DDX4: variants seen among roughly 807,000 people sequenced by gnomAD.
DDX4 encodes the protein DEAD-box helicase 4.
In DDX4, 25 loss-of-function variants were observed where a neutral mutation model predicts 100.0. The observed-to-expected ratio is 0.25, with a 90% CI of 0.18 to 0.35. The LOEUF (loss-of-function observed/expected upper bound fraction) is 0.35. DDX4 is among the 10% of genes least tolerant of loss of function. The pLI is 1.00. For missense variants in DDX4, 635 were observed against 882.4 expected (o/e 0.72, Z 3.55); for synonymous variants, 259 against 275.7 (o/e 0.94, Z 0.60).
intron 3 of DDX4, among the ~76,000 whole-genome samples, chr5:55,751,288 C>G (rs1046165155): frequency 6.6e-6 from 1 of 152,114 alleles, no homozygotes; most frequent in African/African-American, 2.4e-5. Flanking sequence ...GGCTGGAGTG[C>G]AGTGCTGCAG....
At chr5:55,791,106 T>TGTAAGAATTA (rs1284935289) in intron 16 of DDX4, among the ~76,000 whole-genome samples, 1 of 152,196 alleles carries the variant, frequency 6.6e-6, no homozygotes, top group Non-Finnish European at 1.5e-5. Context: ...TAAGAAACCC[T>TGTAAGAATTA]TTGTGGCATC....
intron 2 of DDX4, among the ~76,000 whole-genome samples, chr5:55,743,388 A>G (rs1003905011): frequency 1.3e-5 from 2 of 151,976 alleles, no homozygotes; most frequent in African/African-American, 4.8e-5. Flanking sequence ...TCTCATCTCA[A>G]AATCTTTAAC....
At chr5:55,798,273 T>C (rs564474895) in intron 17 of DDX4, among the ~76,000 whole-genome samples, 153 bp from the exon 18 acceptor site, 1 of 152,356 alleles carries the variant, frequency 6.6e-6, no homozygotes, top group South Asian at 2.1e-4. Flanking sequence ...TCTTTCACAA[T>C]AGTACTTGGG....
chr5:55,755,565 C>T (rs953323536), intron 3 of DDX4, among the ~76,000 whole-genome samples: 10 of 152,012 alleles, frequency 6.6e-5, no homozygotes, highest in South Asian at 2.1e-4. Context: ...GTAAGATTGG[C>T]GTATAGTTTT....
chr5:55,794,396 C>T (rs1369680150), intron 17 of DDX4, among the ~76,000 whole-genome samples: 3 of 145,884 alleles, frequency 2.1e-5, no homozygotes, highest in Non-Finnish European at 3.0e-5. Context: ...GACGGGGTTT[C>T]ACCATGTTGG....
chr5:55,752,507 A>G (rs916178149), intron 3 of DDX4, among the ~76,000 whole-genome samples: 1 of 147,086 alleles, frequency 6.8e-6, no homozygotes, highest in African/African-American at 2.6e-5. Flanking sequence ...TACAAAGGAG[A>G]TGAACTCATC....
At chr5:55,762,324 T>G (rs1298503524) in intron 4 of DDX4, among the ~76,000 whole-genome samples, 1 of 152,138 alleles carries the variant, frequency 6.6e-6, no homozygotes, top group Non-Finnish European at 1.5e-5. Context: ...ACATCTCTGC[T>G]CTCGAGATTT....
At chr5:55,781,817 G>T in intron 9 of DDX4, 117 bp from the exon 10 acceptor site, 2 of 1,139,652 alleles carry the variant, frequency 1.8e-6, no homozygotes, top group Non-Finnish European at 2.5e-6. Context: ...AGATGGATGG[G>T]TTAAAGGACC....
At chr5:55,789,787 C>G (rs949806558) in intron 15 of DDX4, among the ~76,000 whole-genome samples, 2 of 152,194 alleles carry the variant, frequency 1.3e-5, no homozygotes, top group African/African-American at 4.8e-5. Flanking sequence ...GTTGCACACT[C>G]ATGAGGCCAG....
intron 2 of DDX4, among the ~76,000 whole-genome samples, chr5:55,742,553 T>G (rs755593862): frequency 1.3e-5 from 2 of 152,194 alleles, no homozygotes; most frequent in Non-Finnish European, 2.9e-5. Context: ...GTGAAAAAAA[T>G]GTGTTCATCA....
intron 2 of DDX4, among the ~76,000 whole-genome samples, chr5:55,740,737 C>T (rs2150802223): frequency 6.9e-6 from 1 of 144,990 alleles, no homozygotes; most frequent in South Asian, 2.2e-4. Flanking sequence ...CCAGGCTGGT[C>T]TCAAACTCCT....
chr5:55,789,527 T>C (rs530048550), intron 15 of DDX4, among the ~76,000 whole-genome samples: 1 of 152,340 alleles, frequency 6.6e-6, no homozygotes, highest in South Asian at 2.1e-4. Flanking sequence ...AAGAGGAGGC[T>C]GTAATAGCTT....
At chr5:55,745,664 C>T (rs900431690) in intron 2 of DDX4, among the ~76,000 whole-genome samples, 1 of 152,116 alleles carries the variant, frequency 6.6e-6, no homozygotes, top group Non-Finnish European at 1.5e-5. Flanking sequence ...CTCAAGTGAT[C>T]CTCCTGCCTC....
Position 55,764,048 on chromosome 5 carries a change from C to T in DDX4, c.318C>T (p.Ser106=), listed in dbSNP as rs1561488874. The change falls in exon 6 of 22, where the codon AGC becomes AGT. Residue 106 remains serine, a synonymous_variant. Coordinates refer to ENST00000505374, the MANE Select transcript of DDX4 (RefSeq NM_024415.3). ...ACAGCAGGTTTGAAGATGGTGATAG[C>T]TCTGGTTTCTGGAGAGGTAAGGTTG... is the stretch of plus-strand genomic sequence containing the variant. The part of the protein sequence containing the change: ...FSNSRFEDGD[S]SGFWRESSND... 1 of 1,610,022 alleles carries T rather than the reference C, an allele frequency of 6.2e-7. No homozygotes were observed. Among genetic ancestry groups the T allele is most frequent in the Non-Finnish European group, 8.5e-7 (1 of 1,176,680 alleles).
intron 18 of DDX4, among the ~76,000 whole-genome samples, chr5:55,808,967 G>A (rs1294243593): frequency 6.6e-6 from 1 of 152,226 alleles, no homozygotes; most frequent in Non-Finnish European, 1.5e-5. Context: ...GCTCCACCCA[G>A]TTCGAGCTTC....
intron 18 of DDX4, 137 bp downstream of exon 18, chr5:55,798,708 A>T (rs1743120041): frequency 2.9e-6 from 2 of 684,868 alleles, no homozygotes; most frequent in African/African-American, 3.7e-5. Context: ...GCTCTTTTAT[A>T]AAAAATTTTA....
At chr5:55,791,474 T>C (rs187724014) in intron 16 of DDX4, among the ~76,000 whole-genome samples, 25 of 152,346 alleles carry the variant, frequency 1.6e-4, no homozygotes, top group Non-Finnish European at 3.5e-4. Flanking sequence ...GCAAGTGTGT[T>C]CTTCTGTTTA....
At chr5:55,802,873 A>G (rs1743410072) in intron 18 of DDX4, among the ~76,000 whole-genome samples, 2 of 152,222 alleles carry the variant, frequency 1.3e-5, no homozygotes, top group African/African-American at 4.8e-5. Context: ...GACATGCAAA[A>G]TAAAGGTAAT....
intron 7 of DDX4, among the ~76,000 whole-genome samples, chr5:55,775,698 G>GT (rs1561495629): frequency 6.6e-6 from 1 of 150,654 alleles, no homozygotes; most frequent in Non-Finnish European, 1.5e-5. Flanking sequence ...TTATACAAAG[G>GT]TTAGAGGATT....
Sources: gnomAD v4.1 joint callset for allele counts (sites outside exome capture counted in the v4.1 genomes callset) on GRCh38, gnomAD v4.1.1 for gene constraint, MANE v1.5 for transcripts, NCBI Gene and HGNC (gene_info 2026-07-23, HGNC 2026-07-21) for gene names.